The following PCNA variants were observed in gnomAD, a reference collection of about 807,000 sequenced individuals.
PCNA encodes proliferating cell nuclear antigen.
In PCNA, 4 loss-of-function variants were observed where a neutral mutation model predicts 27.8. The ratio of observed to expected loss-of-function variants is 0.14; its 90% CI spans 0.07 to 0.33. PCNA has a LOEUF of 0.33. Among genes scored for constraint, PCNA ranks in the 10% least tolerant of loss-of-function variants. PCNA has a pLI of 1.00. For missense variants in PCNA, 165 were observed against 327.4 expected, an observed-to-expected ratio of 0.50 and a Z score of 3.83; for synonymous variants, 121 against 119.4, an observed-to-expected ratio of 1.01 and a Z score of -0.09.
At chr20:5,119,035 G>A (rs993236559) in intron 1 of PCNA, among the ~76,000 whole-genome samples, 169 bp from the exon 2 acceptor site, 2 of 152,036 alleles carry the variant, frequency 1.3e-5, no homozygotes, top group African/African-American at 2.4e-5. Context: ...GTTTTGGGAC[G>A]CATCTGGCAG....
intron 1 of PCNA, chr20:5,126,382 C>T (rs1568522737): frequency 6.6e-6 from 1 of 152,270 alleles, no homozygotes; most frequent in Non-Finnish European, 1.5e-5. Flanking sequence ...GACCGCTTGG[C>T]AAAGCAAAGC....
chr20:5,120,120 G>T, upstream of PCNA: 1 of 333,374 alleles, frequency 3.0e-6, no homozygotes, highest in Non-Finnish European at 5.8e-6. Context: ...CGGGCGCAGG[G>T]CGGGGCAGCG....
Position 5,119,708 on chromosome 20 carries a change from T to C in PCNA, c.91A>G (p.Ser31Gly). 1 of 1,605,742 alleles carries C rather than the reference T, an allele frequency of 6.2e-7. No individual in the cohort carries two copies. Among genetic ancestry groups the C allele is most frequent in the East Asian group, 2.2e-5 (1 of 44,498 alleles). ...CTCTGCAGGTTTACACCGCTGGAGC[T>C]AATATCCCAGCAGGCCTCGTTGATG... ...DLINEACWDI[S>G]SSGVNLQSMD... The change falls in exon 1 of 6, where the codon AGC becomes GGC. Residue 31 changes from serine (S) to glycine (G), a missense_variant. Coordinates refer to ENST00000379143, the MANE Select transcript of PCNA (RefSeq NM_182649.2).
chr20:5,125,844 G>A (rs1435231493), intron 1 of PCNA, among the ~76,000 whole-genome samples: 1 of 152,144 alleles, frequency 6.6e-6, no homozygotes, highest in Non-Finnish European at 1.5e-5. Flanking sequence ...TACTTACAAT[G>A]GATGTGTCAA....
upstream of PCNA, among the ~76,000 whole-genome samples, chr20:5,120,455 A>G (rs892350278): frequency 1.3e-5 from 2 of 152,216 alleles, no homozygotes; most frequent in African/African-American, 4.8e-5. Context: ...TTAGCTCCCT[A>G]TCATCCTCTT....
At chr20:5,115,656 A>T in intron 4 of PCNA, 84 bp from the exon 5 acceptor site, 1 of 1,182,282 alleles carries the variant, frequency 8.5e-7, no homozygotes, top group Non-Finnish European at 1.2e-6. Flanking sequence ...AAACCCACAA[A>T]CACTTGTATT....
intron 3 of PCNA, among the ~76,000 whole-genome samples, chr20:5,118,291 T>A (rs1372591603): frequency 1.3e-5 from 2 of 152,286 alleles, no homozygotes; most frequent in African/African-American, 4.8e-5. Flanking sequence ...TATTAACATA[T>A]CTTGACGGAG....
chr20:5,119,864 C>G lies in PCNA; in HGVS notation c.-66G>C. On this transcript the variant is annotated 5_prime_UTR_variant, in exon 1 of 6. Coordinates refer to ENST00000379143, the MANE Select transcript of PCNA (RefSeq NM_182649.2). ...AGGAGGAAAGTCTAGCTGGTTTCGG[C>G]TTCAGGAGCCTCAGAGCGAGCGGGC... The G allele has an allele frequency of 7.7e-7, 1 of 1,300,926 alleles. No individual in the cohort carries two copies. The highest frequency in any genetic ancestry group is 1.3e-5 in the South Asian group (1 of 78,470). The allele number at this position is 1,300,926 out of a possible 1,614,324, so 80.6% of individuals were successfully genotyped here.
chr20:5,118,932 G>C, intron 1 of PCNA, 66 bp from the exon 2 acceptor site: 1 of 1,039,280 alleles, frequency 9.6e-7, no homozygotes, highest in Non-Finnish European at 1.5e-6. Context: ...TTTCGAACGC[G>C]GTTAGAAGGG....
At chr20:5,124,493 G>T (rs2090533766), upstream of PCNA, among the ~76,000 whole-genome samples, 1 of 152,026 alleles carries the variant, frequency 6.6e-6, no homozygotes, top group Admixed American at 6.6e-5. Context: ...AGCCAGCTGT[G>T]GTGGCGGGCG....
upstream of PCNA, among the ~76,000 whole-genome samples, chr20:5,120,784 G>A (rs1047089570): frequency 2.0e-5 from 3 of 151,972 alleles, no homozygotes; most frequent in Non-Finnish European, 4.4e-5. Flanking sequence ...GTCAAAGAGC[G>A]TACACATTTA....
At position 5,115,056 on chromosome 20, in the gene PCNA, A is replaced by G; in HGVS notation, c.*227T>C. 2.5e-6 allele frequency: 1 copy of G among 404,992 alleles called. No homozygotes were observed. Among genetic ancestry groups the G allele is most frequent in the Non-Finnish European group, 4.5e-6 (1 of 223,844 alleles). 25.1% of individuals were successfully genotyped at this position (404,992 alleles called of 1,614,324 possible). On this transcript the variant is annotated 3_prime_UTR_variant, in exon 6 of 6. Coordinates refer to ENST00000379143, the MANE Select transcript of PCNA (RefSeq NM_182649.2). ...TATTATAAAAATCACAAGTATTTCT[A>G]AGAGACAAAAATACTTCTAGGTTAA...
At position 5,117,643 on chromosome 20, in the gene PCNA, C is replaced by T. The variant is rs764789172; in HGVS notation, c.409G>A (p.Val137Ile). Residue 137 changes from valine (V) to isoleucine (I), a missense_variant, in exon 4 of 6, where the codon GTA becomes ATA. Transcript: ENST00000379143. ...GCAAATTCACCAGAAGGCATCTTTA[C>T]TACACAGCTGTACTCCTGTTCCTAT... is the stretch of plus-strand genomic sequence containing the variant. ...GIPEQEYSCV[V>I]KMPSGEFARI... The T allele has an allele frequency of 5.6e-6, 9 of 1,613,034 alleles. No homozygotes were observed. In the Admixed American group the frequency reaches 1.2e-4, roughly 21 times the overall value.
In PCNA at chr20:5,119,565, C is replaced by T; in HGVS notation, c.221+13G>A. ...GCGGGCCGGGGCCGGCTTCCCGGGG[C>T]CGCGAGGCTCACCTGGTGAGGTTCA... On this transcript the variant is annotated intron_variant, in intron 1 of 5. Coordinates refer to ENST00000379143, the MANE Select transcript of PCNA (RefSeq NM_182649.2). 1.2e-6 allele frequency: 2 copies of T among 1,603,562 alleles called. No homozygotes were observed. Among genetic ancestry groups the T allele is most frequent in the Non-Finnish European group, 1.7e-6 (2 of 1,176,058 alleles).
chr20:5,115,164 A>G lies in PCNA; in HGVS notation c.*119T>C, dbSNP rs200747799. On this transcript the variant is annotated 3_prime_UTR_variant, in exon 6 of 6. Coordinates refer to ENST00000379143, the MANE Select transcript of PCNA (RefSeq NM_182649.2). ...AAAAATAGGTTATTTACAGAAAACA[A>G]TATCTACATATGTACTTAGAGGTAC... 5.8e-5 allele frequency: 38 copies of G among 656,536 alleles called. No homozygotes were observed. In the East Asian group the frequency reaches 9.1e-4, roughly 16 times the overall value. The allele number at this position is 656,536 out of a possible 1,614,324, so 40.7% of individuals were successfully genotyped here.
At chr20:5,122,796 T>C (rs1277566333), upstream of PCNA, among the ~76,000 whole-genome samples, 2 of 152,260 alleles carry the variant, frequency 1.3e-5, no homozygotes, top group Admixed American at 1.3e-4. Context: ...TTTGGTTTAA[T>C]GCCAAATTAC....
chr20:5,125,235 G>T (rs57651330), intron 1 of PCNA, among the ~76,000 whole-genome samples: 1 of 152,174 alleles, frequency 6.6e-6, no homozygotes, highest in South Asian at 2.1e-4. Context: ...AGCTACTCGG[G>T]CATATACTCA....
chr20:5,118,097 G>A (rs1026022181), intron 3 of PCNA, among the ~76,000 whole-genome samples: 3 of 152,176 alleles, frequency 2.0e-5, no homozygotes, highest in Non-Finnish European at 4.4e-5. Flanking sequence ...ATTCTAGAAG[G>A]AAACAAATTT....
rs1325217386 is a variant in PCNA at position 5,117,479 on chromosome 20, C to T, written c.573G>A (p.Glu191=). 7 of 1,609,784 alleles carry T rather than the reference C, an allele frequency of 4.3e-6. No individual in the cohort carries two copies. The African/African-American group carries it at 6.7e-5, about 15-fold the overall frequency. The change falls in exon 4 of 6, where the codon GAG becomes GAA. Residue 191 remains glutamate, a synonymous_variant. Coordinates refer to ENST00000379143, the MANE Select transcript of PCNA (RefSeq NM_182649.2). ...KLSQTSNVDK[E]EEAVTIEMNE... ...CTTAAAAACTACTTACAGCTTCCTCCTCTTTATCGACATTACTTGTCTGTG... is the reference window on the plus strand; with the variant it reads ...CTTAAAAACTACTTACAGCTTCCTCTTCTTTATCGACATTACTTGTCTGTG...
Sources: gnomAD v4.1 joint callset for allele counts (sites outside exome capture counted in the v4.1 genomes callset) on GRCh38, gnomAD v4.1.1 for gene constraint, MANE v1.5 for transcripts, NCBI Gene and HGNC (gene_info 2026-07-23, HGNC 2026-07-21) for gene names.